BACH2: variants seen among roughly 807,000 people sequenced by gnomAD.
BACH2 encodes transcription regulator protein BACH2.
In BACH2, 5 loss-of-function variants were observed where a neutral mutation model predicts 61.8. That is an observed-to-expected ratio of 0.08 (90% confidence interval 0.04 to 0.17). The LOEUF (loss-of-function observed/expected upper bound fraction) is 0.17, where lower values mean the gene tolerates loss of function less well. BACH2 is among the 10% of genes least tolerant of loss of function. The pLI, the probability that BACH2 is intolerant of heterozygous loss-of-function variation, is 1.00. For synonymous variants in BACH2, 446 were observed against 440.1 expected, an observed-to-expected ratio of 1.01 and a Z score of -0.17; for missense variants, 824 against 1,091.1, an observed-to-expected ratio of 0.76 and a Z score of 3.45.
intron 6 of BACH2, among the ~76,000 whole-genome samples, chr6:89,992,676 A>C (rs1014026735): frequency 6.6e-5 from 10 of 152,186 alleles, no homozygotes; most frequent in Admixed American, 2.0e-4. Context: ...AACAAACAAA[A>C]AAAAACAAAG....
At chr6:89,997,005 G>GCACACACA (rs60037899) in intron 6 of BACH2, among the ~76,000 whole-genome samples, 2,318 of 149,600 alleles carry the variant, frequency 0.015, 63 homozygotes, top group African/African-American at 0.054. Flanking sequence ...ATGCACACGG[G>GCACACACA]CACACACACA....
chr6:90,143,749 G>A (rs1242226543), intron 4 of BACH2, among the ~76,000 whole-genome samples: 1 of 152,048 alleles, frequency 6.6e-6, no homozygotes, highest in Non-Finnish European at 1.5e-5. Flanking sequence ...AATAAGCCCT[G>A]ACTGAGGGCT....
chr6:89,978,387 G>A (rs1398600436), intron 6 of BACH2, among the ~76,000 whole-genome samples: 2 of 152,136 alleles, frequency 1.3e-5, no homozygotes, highest in Non-Finnish European at 2.9e-5. Context: ...AAACAAGGAT[G>A]GAGACCTCAA....
chr6:90,277,677 T>C (rs758570424), intron 1 of BACH2, among the ~76,000 whole-genome samples: 40 of 152,230 alleles, frequency 2.6e-4, no homozygotes, highest in Non-Finnish European at 5.9e-5. Flanking sequence ...CAGCTTCTCT[T>C]AAGAAACAGA....
At chr6:90,259,453 T>C (rs1325471343) in intron 2 of BACH2, among the ~76,000 whole-genome samples, 1 of 152,232 alleles carries the variant, frequency 6.6e-6, no homozygotes, top group African/African-American at 2.4e-5. Context: ...CTTTTTGATG[T>C]GTTGTTGGAT....
intron 4 of BACH2, among the ~76,000 whole-genome samples, chr6:90,123,597 C>T (rs901697215): frequency 2.0e-5 from 3 of 151,098 alleles, no homozygotes; most frequent in Non-Finnish European, 3.0e-5. Context: ...GGTGAAACCC[C>T]GTCTCTACTA....
chr6:90,006,165 G>A (rs1473215590), intron 6 of BACH2, among the ~76,000 whole-genome samples: 1 of 152,196 alleles, frequency 6.6e-6, no homozygotes, highest in Non-Finnish European at 1.5e-5. Context: ...AATAATTCAA[G>A]GCAGGAGGAT....
At chr6:90,029,778 G>C (rs559400192) in intron 5 of BACH2, among the ~76,000 whole-genome samples, 1 of 152,290 alleles carries the variant, frequency 6.6e-6, no homozygotes, top group South Asian at 2.1e-4. Flanking sequence ...GCTCTCCAGA[G>C]CTGCTTGTCT....
intron 5 of BACH2, among the ~76,000 whole-genome samples, chr6:90,012,309 A>G (rs141485871): frequency 3.3e-3 from 507 of 152,240 alleles, no homozygotes; most frequent in Non-Finnish European, 5.5e-3. Context: ...ACCCATGAAC[A>G]CAGTCTCTTT....
In BACH2 at chr6:89,930,029, G is replaced by A. The variant is rs1047064171; in HGVS notation, c.*2379C>T. ...AAGGCAAACCTCATGGTGAAGCACA[G>A]AACTGTCCTAGTAGGCCAAGAAATT... On this transcript the variant is annotated 3_prime_UTR_variant, in exon 9 of 9. Coordinates refer to ENST00000257749, the MANE Select transcript of BACH2 (RefSeq NM_021813.4). 5.3e-5 allele frequency: 8 copies of A among 151,672 alleles called. No homozygotes were observed. Among genetic ancestry groups the A allele is most frequent in the African/African-American group, 1.9e-4 (8 of 41,166 alleles). The allele number at this position is 151,672 out of a possible 1,614,324, so 9.4% of individuals were successfully genotyped here.
rs186925238 is a variant in BACH2, at chr6:90,191,680, G to A, written c.-162+14889C>T. Among the ~76,000 whole-genome samples the A allele has an allele frequency of 2.0e-5, 3 of 152,108 alleles. No homozygotes were observed. The East Asian group carries it at 5.8e-4, about 29-fold the overall frequency. On this transcript the variant is annotated intron_variant, in intron 4 of 8. Transcript: ENST00000257749. ...TCTGCGTTTCCCCATCTGTAAAGTGGGAATAATACCAACTACTGTGCAAAT... is the reference window on the plus strand; with the variant it reads ...TCTGCGTTTCCCCATCTGTAAAGTGAGAATAATACCAACTACTGTGCAAAT...
intron 6 of BACH2, among the ~76,000 whole-genome samples, chr6:89,975,035 T>C (rs1394639025): frequency 6.6e-6 from 1 of 152,190 alleles, no homozygotes; most frequent in Non-Finnish European, 1.5e-5. Context: ...CACTCACAGC[T>C]GTAGCGAGCC....
At chr6:90,265,273 C>T (rs1375025070) in intron 2 of BACH2, among the ~76,000 whole-genome samples, 2 of 152,118 alleles carry the variant, frequency 1.3e-5, no homozygotes, top group Non-Finnish European at 2.9e-5. Context: ...TAAAATCCTT[C>T]CCATTTGCTC....
At chr6:90,287,554 C>T (rs534470371) in intron 1 of BACH2, among the ~76,000 whole-genome samples, 3 of 152,066 alleles carry the variant, frequency 2.0e-5, no homozygotes, top group South Asian at 2.1e-4. Context: ...CTCCAATGTA[C>T]GGCAAAAGGC....
chr6:90,117,532 T>C (rs768174022), intron 4 of BACH2, among the ~76,000 whole-genome samples: 34 of 151,888 alleles, frequency 2.2e-4, no homozygotes, highest in Non-Finnish European at 4.4e-4. Context: ...ATTCCTATGA[T>C]GAATGCTCAT....
intron 3 of BACH2, among the ~76,000 whole-genome samples, chr6:90,249,030 G>A (rs1227990451): frequency 6.6e-6 from 1 of 152,196 alleles, no homozygotes; most frequent in Non-Finnish European, 1.5e-5. Context: ...TATTATCTCA[G>A]AGAGGCAACA....
intron 4 of BACH2, among the ~76,000 whole-genome samples, chr6:90,190,880 C>G (rs181749227): frequency 5.5e-4 from 84 of 152,324 alleles, no homozygotes; most frequent in African/African-American, 1.9e-3. Flanking sequence ...AAGTTCCAAA[C>G]AGGGGATGTG....
chr6:90,233,295 T>C (rs1325960169), intron 3 of BACH2, among the ~76,000 whole-genome samples: 1 of 152,162 alleles, frequency 6.6e-6, no homozygotes, highest in Admixed American at 6.5e-5. Context: ...TATCACCCAA[T>C]CCTTTCTTCT....
At chr6:90,241,785 T>C (rs554553621) in intron 3 of BACH2, among the ~76,000 whole-genome samples, 4 of 149,818 alleles carry the variant, frequency 2.7e-5, no homozygotes, top group Non-Finnish European at 6.0e-5. Context: ...GTTGATGAGA[T>C]AACACATAAG....
Sources: gnomAD v4.1 joint callset for allele counts (sites outside exome capture counted in the v4.1 genomes callset) on GRCh38, gnomAD v4.1.1 for gene constraint, MANE v1.5 for transcripts, NCBI Gene and HGNC (gene_info 2026-07-23, HGNC 2026-07-21) for gene names.